Variants in DZIP1L observed in about 807,000 individuals in gnomAD.
DZIP1L encodes the protein cilium assembly protein DZIP1L.
DZIP1L carries 90 observed loss-of-function variants against 88.7 expected under a neutral mutation model. The observed-to-expected ratio is 1.02, with a 90% CI of 0.86 to 1.21. The LOEUF (loss-of-function observed/expected upper bound fraction) is 1.21. DZIP1L is among the 50% of genes most tolerant of loss of function. The probability of loss-of-function intolerance (pLI) is 0.00; values close to 1 mark genes in which losing one functional copy is unlikely to be tolerated. For synonymous variants in DZIP1L, 363 were observed against 372.1 expected (o/e 0.98, Z 0.28); for missense variants, 932 against 955.8 (o/e 0.98, Z 0.33).
chr3:138,094,964 T>C lies in DZIP1L; in HGVS notation c.606A>G (p.Glu202=), dbSNP rs199701141. The change falls in exon 4 of 16, where the codon GAA becomes GAG. Residue 202 remains glutamate (E), a synonymous_variant. Coordinates refer to ENST00000327532, the MANE Select transcript of DZIP1L (RefSeq NM_173543.3). ...VAEGGKQKKQ[E]QPVEEVLEEL... is the part of the protein sequence containing the mutation. Reference sequence around the variant, plus strand: ...CTTCTAACACCTCTTCCACTGGCTGTTCCTGTTTCTTCTGTTTTCCTGTGG... The same window carrying C: ...CTTCTAACACCTCTTCCACTGGCTGCTCCTGTTTCTTCTGTTTTCCTGTGG... The C allele has an allele frequency of 1.9e-6, 3 of 1,614,118 alleles. No individual in the cohort carries two copies. The highest frequency in any genetic ancestry group is 2.2e-5 in the South Asian group (2 of 91,090).
intron 14 of DZIP1L, among the ~76,000 whole-genome samples, chr3:138,066,744 C>T (rs1209485788): frequency 6.6e-6 from 1 of 151,844 alleles, no homozygotes; most frequent in African/African-American, 2.4e-5. Context: ...GAAGAAGGAA[C>T]TTCTGCTCTA....
intron 12 of DZIP1L, among the ~76,000 whole-genome samples, chr3:138,070,704 AT>A (rs1165572068): frequency 1.3e-5 from 2 of 152,150 alleles, no homozygotes; most frequent in Admixed American, 6.5e-5. Context: ...ACTCTGCAAA[AT>A]TTTTTTGCAT....
intron 11 of DZIP1L, 122 bp downstream of exon 11, chr3:138,077,377 G>C (rs1310968054): frequency 1.2e-4 from 175 of 1,459,086 alleles, no homozygotes; most frequent in Non-Finnish European, 1.6e-4. Context: ...AGGAGCCCGG[G>C]CTGCCACAAG....
chr3:138,094,737 C>G, intron 4 of DZIP1L, 125 bp downstream of exon 4: 1 of 1,457,654 alleles, frequency 6.9e-7, no homozygotes, highest in Non-Finnish European at 9.3e-7. Context: ...AAGGCACTAT[C>G]CCAGCTCTGA....
At chr3:138,076,772 G>A (rs1476295006) in intron 11 of DZIP1L, among the ~76,000 whole-genome samples, 1 of 152,022 alleles carries the variant, frequency 6.6e-6, no homozygotes, top group Non-Finnish European at 1.5e-5. Context: ...GCATGGGGGT[G>A]GAGAGGGATA....
intron 11 of DZIP1L, among the ~76,000 whole-genome samples, chr3:138,075,156 C>T (rs1323405996): frequency 6.6e-6 from 1 of 152,096 alleles, no homozygotes; most frequent in African/African-American, 2.4e-5. Context: ...ATTTATAATA[C>T]AATTGCTACT....
intron 1 of DZIP1L, among the ~76,000 whole-genome samples, chr3:138,111,935 C>T (rs915342867): frequency 1.3e-5 from 2 of 151,144 alleles, no homozygotes; most frequent in African/African-American, 4.9e-5. Context: ...GTGGAAGTTG[C>T]AGTCAGCCGT....
Position 138,063,350 on chromosome 3 carries a change from C to G in DZIP1L, c.2143-373G>C, listed in dbSNP as rs1942767385. Among the ~76,000 whole-genome samples, 1 of 152,218 alleles carries G rather than the reference C, an allele frequency of 6.6e-6. No individual in the cohort carries two copies. The highest frequency in any genetic ancestry group is 2.4e-5 in the African/African-American group (1 of 41,478). On this transcript the variant is annotated intron_variant, in intron 15 of 15. Transcript: ENST00000327532. The surrounding 1 kb of genome is among the most constrained non-coding windows in gnomAD (Gnocchi z 4.1). The stretch of plus-strand genomic sequence containing the variant: ...AACTCGACTGTTCCAAGTTCGCGAG[C>G]TGAATGCACTGTGGGCTAATGACCC...
At chr3:138,102,765 G>T (rs544876470) in intron 2 of DZIP1L, 11 of 772,372 alleles carry the variant, frequency 1.4e-5, no homozygotes, top group Non-Finnish European at 2.6e-5. Context: ...CATAGCCTCC[G>T]CCCAGGTCAC....
At chr3:138,107,645 C>T (rs1164769486) in intron 1 of DZIP1L, among the ~76,000 whole-genome samples, 1 of 152,154 alleles carries the variant, frequency 6.6e-6, no homozygotes, top group African/African-American at 2.4e-5. Flanking sequence ...TGGGGCTATT[C>T]CTCCTAAAAT....
At chr3:138,067,888 C>G (rs1481996321) in intron 13 of DZIP1L, among the ~76,000 whole-genome samples, 188 bp from the exon 14 acceptor site, 1 of 152,182 alleles carries the variant, frequency 6.6e-6, no homozygotes, top group African/African-American at 2.4e-5. Context: ...TTAGTAGAGC[C>G]CTGCCCATCT....
At chr3:138,090,165 A>C (rs1944141080) in intron 5 of DZIP1L, among the ~76,000 whole-genome samples, 1 of 151,810 alleles carries the variant, frequency 6.6e-6, no homozygotes, top group African/African-American at 2.4e-5. Context: ...TAAATAAATA[A>C]ATAAAATTAA....
chr3:138,068,402 AC>A, intron 12 of DZIP1L, 35 bp from the exon 13 acceptor site: 3 of 1,431,610 alleles, frequency 2.1e-6, no homozygotes, highest in Non-Finnish European at 2.8e-6. Context: ...TTTGGAGTAC[AC>A]CCATGCTGGA....
At chr3:138,078,386 G>A (rs578165862) in intron 10 of DZIP1L, among the ~76,000 whole-genome samples, 13 of 152,214 alleles carry the variant, frequency 8.5e-5, no homozygotes, top group Admixed American at 6.5e-4. Context: ...CCCATCTCTC[G>A]TCCCCCAAGG....
At chr3:138,108,706 C>T (rs1296843474) in intron 1 of DZIP1L, among the ~76,000 whole-genome samples, 2 of 152,196 alleles carry the variant, frequency 1.3e-5, no homozygotes, top group Non-Finnish European at 2.9e-5. Flanking sequence ...TTATACCCAA[C>T]CATTCCATAC....
chr3:138,107,155 T>A (rs2042518108), intron 1 of DZIP1L, among the ~76,000 whole-genome samples: 1 of 152,168 alleles, frequency 6.6e-6, no homozygotes, highest in Non-Finnish European at 1.5e-5. Flanking sequence ...TCTGGAGTGG[T>A]TCAGTGGCAT....
rs758948989 is a variant in DZIP1L at position 138,084,251 on chromosome 3, T to C, written c.1065A>G (p.Leu355=). Residue 355 remains leucine (L), a splice_region_variant and synonymous_variant, in exon 8 of 16, where the codon CTA becomes CTG. Coordinates refer to ENST00000327532, the MANE Select transcript of DZIP1L (RefSeq NM_173543.3). ...HEEHMAEKKE[L]QEENQRLQAS... ...CCTGGAGCCTCTGGTTCTCCTCCTG[T>C]AGCTGGCAGGCACAAGATGGCTGGT... 16 of 1,613,316 alleles carry C rather than the reference T, an allele frequency of 9.9e-6. No individual in the cohort carries two copies. Among genetic ancestry groups the C allele is most frequent in the Non-Finnish European group, 1.4e-5 (16 of 1,179,736 alleles).
Position 138,064,782 on chromosome 3 carries a change from A to C in DZIP1L, c.2003-15T>G. 1 of 1,552,328 alleles carries C rather than the reference A, an allele frequency of 6.4e-7. No homozygotes were observed. Among genetic ancestry groups the C allele is most frequent in the Non-Finnish European group, 8.7e-7 (1 of 1,153,614 alleles). On this transcript the variant is annotated splice_polypyrimidine_tract_variant and intron_variant, in intron 14 of 15. Transcript: ENST00000327532. ...CACCAGTGTTCCTGGAAGGTGAAAA[A>C]GTGGCTGTGTCAGTGGGAGAAGCCT...
At chr3:138,083,415 T>C (rs771707030) in intron 8 of DZIP1L, among the ~76,000 whole-genome samples, 12 of 152,130 alleles carry the variant, frequency 7.9e-5, no homozygotes, top group Admixed American at 6.6e-5. Context: ...ATGAGGTGGG[T>C]GGCAGCAGAG....
Sources: gnomAD v4.1 joint callset for allele counts (sites outside exome capture counted in the v4.1 genomes callset) on GRCh38, gnomAD v4.1.1 for gene constraint, Gnocchi (gnomAD v3.1) non-coding constraint, MANE v1.5 for transcripts, NCBI Gene and HGNC (gene_info 2026-07-23, HGNC 2026-07-21) for gene names.